DLC1: variants seen among roughly 807,000 people sequenced by gnomAD.
DLC1 encodes the protein DLC1 Rho GTPase activating protein.
In DLC1, 54 loss-of-function variants were observed where a neutral mutation model predicts 140.3. That is an observed-to-expected ratio of 0.38 (90% CI 0.31 to 0.48). DLC1 has a LOEUF of 0.48. Among genes scored for constraint, DLC1 ranks in the 20% least tolerant of loss-of-function variants. DLC1 has a pLI of 0.96. For synonymous variants in DLC1, 986 were observed against 728.1 expected (o/e 1.35, Z -5.70); for missense variants, 2,536 against 1,907.0 (o/e 1.33, Z -6.14).
intron 2 of DLC1, among the ~76,000 whole-genome samples, chr8:13,434,003 G>T (rs1016693573): frequency 6.6e-5 from 10 of 152,142 alleles, no homozygotes; most frequent in African/African-American, 2.4e-4. Context: ...TTACAGGCCT[G>T]TGCCACCATG....
intron 5 of DLC1, among the ~76,000 whole-genome samples, chr8:13,166,808 G>A (rs568173628): frequency 6.6e-6 from 1 of 152,300 alleles, no homozygotes; most frequent in African/African-American, 2.4e-5. Context: ...GTGCAGCTAT[G>A]GGGGAGAAAG....
At chr8:13,518,721 A>G (rs867095105), upstream of DLC1, among the ~76,000 whole-genome samples, 7 of 152,348 alleles carry the variant, frequency 4.6e-5, no homozygotes, top group Middle Eastern at 6.8e-3. Context: ...TATAATAGCA[A>G]TGAACTTGAA....
intron 2 of DLC1, among the ~76,000 whole-genome samples, chr8:13,420,708 A>T (rs751599978): frequency 1.3e-5 from 2 of 152,198 alleles, no homozygotes; most frequent in African/African-American, 4.8e-5. Flanking sequence ...TTCCAGCTTC[A>T]TCCATGTCCC....
At chr8:13,283,663 C>T (rs1049821172) in intron 5 of DLC1, among the ~76,000 whole-genome samples, 3 of 152,282 alleles carry the variant, frequency 2.0e-5, no homozygotes, top group Admixed American at 6.5e-5. Context: ...TACAGGCGCA[C>T]ACCACTATGC....
At chr8:13,344,493 C>G (rs1563269118) in intron 4 of DLC1, among the ~76,000 whole-genome samples, 1 of 152,002 alleles carries the variant, frequency 6.6e-6, no homozygotes, top group African/African-American at 2.4e-5. Flanking sequence ...AACTCCATCT[C>G]AAAAAAACAA....
At chr8:13,519,374 C>A (rs1486266156), upstream of DLC1, among the ~76,000 whole-genome samples, 1 of 152,096 alleles carries the variant, frequency 6.6e-6, no homozygotes, top group Non-Finnish European at 1.5e-5. Flanking sequence ...GTGATCCACC[C>A]GCCTTGGCCT....
intron 2 of DLC1, among the ~76,000 whole-genome samples, chr8:13,458,855 C>T (rs1312098202): frequency 2.0e-5 from 3 of 151,586 alleles, no homozygotes; most frequent in Non-Finnish European, 2.9e-5. Flanking sequence ...GCGCTTATGA[C>T]TATTGTTAAA....
intron 4 of DLC1, among the ~76,000 whole-genome samples, chr8:13,347,526 C>A (rs1834406253): frequency 6.6e-6 from 1 of 152,124 alleles, no homozygotes; most frequent in Non-Finnish European, 1.5e-5. Context: ...CAGCCCATTC[C>A]ATATAATGAT....
At chr8:13,219,679 T>A (rs1828448328) in intron 5 of DLC1, among the ~76,000 whole-genome samples, 1 of 151,980 alleles carries the variant, frequency 6.6e-6, no homozygotes, top group Non-Finnish European at 1.5e-5. Context: ...CTCCAAGAAT[T>A]GTATTGAAAA....
chr8:13,594,741 C>T (rs1340702552), intron 1 of DLC1, among the ~76,000 whole-genome samples: 2 of 151,266 alleles, frequency 1.3e-5, no homozygotes, highest in East Asian at 1.9e-4. Context: ...CAGACAGCAA[C>T]TGAACACCTT....
At chr8:13,240,326 G>A (rs960458138) in intron 5 of DLC1, among the ~76,000 whole-genome samples, 6 of 152,188 alleles carry the variant, frequency 3.9e-5, no homozygotes, top group Non-Finnish European at 7.3e-5. Context: ...AATGAAACGT[G>A]ACAATAACTT....
At chr8:13,221,722 G>GTATATATA (rs372189535) in intron 5 of DLC1, among the ~76,000 whole-genome samples, 287 of 131,300 alleles carry the variant, frequency 2.2e-3, no homozygotes, top group African/African-American at 7.1e-3. Flanking sequence ...ATGTGTGTGT[G>GTATATATA]TGTGTATATA....
chr8:13,534,839 A>G (rs1803218295), intron 1 of DLC1, among the ~76,000 whole-genome samples: 2 of 152,126 alleles, frequency 1.3e-5, no homozygotes, highest in African/African-American at 4.8e-5. Context: ...GCACCACTTC[A>G]TGAGTCTTTG....
At chr8:13,574,454 C>T (rs1359595207) in intron 1 of DLC1, among the ~76,000 whole-genome samples, 3 of 152,016 alleles carry the variant, frequency 2.0e-5, no homozygotes, top group African/African-American at 7.2e-5. Flanking sequence ...TCCAAATACT[C>T]TATAGTTACA....
intron 1 of DLC1, among the ~76,000 whole-genome samples, chr8:13,580,338 G>C (rs1016344241): frequency 6.6e-6 from 1 of 152,082 alleles, no homozygotes; most frequent in African/African-American, 2.4e-5. Flanking sequence ...AGCCAGGATG[G>C]CCTCGATCGC....
At chr8:13,121,634 G>C (rs1471477329) in intron 5 of DLC1, among the ~76,000 whole-genome samples, 2 of 152,068 alleles carry the variant, frequency 1.3e-5, no homozygotes, top group Non-Finnish European at 2.9e-5. Context: ...CTGTAGCCTT[G>C]AACTCTTGGG....
At chr8:13,526,466 C>G (rs1802924254) in intron 1 of DLC1, among the ~76,000 whole-genome samples, 1 of 152,020 alleles carries the variant, frequency 6.6e-6, no homozygotes, top group Non-Finnish European at 1.5e-5. Context: ...ATTTAGTTTT[C>G]TAGTTTCTCA....
intron 5 of DLC1, among the ~76,000 whole-genome samples, chr8:13,226,743 G>A (rs1828809763): frequency 6.6e-6 from 1 of 152,152 alleles, no homozygotes; most frequent in South Asian, 2.1e-4. Context: ...GGAATTAGAG[G>A]CTACCCTGAC....
chr8:13,167,747 T>A (rs967083629), intron 5 of DLC1, among the ~76,000 whole-genome samples: 1 of 152,250 alleles, frequency 6.6e-6, no homozygotes, highest in African/African-American at 2.4e-5. Flanking sequence ...AAACAGTATT[T>A]ATTTGATCCA....
Sources: gnomAD v4.1 joint callset for allele counts (sites outside exome capture counted in the v4.1 genomes callset) on GRCh38, gnomAD v4.1.1 for gene constraint, MANE v1.5 for transcripts, NCBI Gene and HGNC (gene_info 2026-07-23, HGNC 2026-07-21) for gene names.